The following PCDH7 variants were observed in gnomAD, a reference collection of about 807,000 sequenced individuals.
PCDH7 encodes protocadherin-7.
Under a neutral mutation model 58.9 loss-of-function variants are expected in PCDH7, and 17 were observed. The observed-to-expected ratio is 0.29, with a 90% CI of 0.20 to 0.43. The LOEUF (loss-of-function observed/expected upper bound fraction) is 0.43, where lower values mean the gene tolerates loss of function less well. Ranked by LOEUF, PCDH7 falls within the 20% of genes least tolerant of loss-of-function variation. The pLI, the probability that PCDH7 is intolerant of heterozygous loss-of-function variation, is 1.00. For synonymous variants in PCDH7, 664 were observed against 616.4 expected, an observed-to-expected ratio of 1.08 and a Z score of -1.14; for missense variants, 1,274 against 1,441.0, an observed-to-expected ratio of 0.88 and a Z score of 1.88.
At chr4:30,724,626 T>G in intron 1 of PCDH7, 30 bp downstream of exon 1, 1 of 1,605,060 alleles carries the variant, frequency 6.2e-7, no homozygotes. Flanking sequence ...TATTTAAATA[T>G]CCCAGGGAGG....
intron 3 of PCDH7, among the ~76,000 whole-genome samples, chr4:30,988,608 C>T (rs914941101): frequency 3.3e-5 from 5 of 152,084 alleles, no homozygotes; most frequent in South Asian, 2.1e-4. Flanking sequence ...TCATCAAGGC[C>T]GAGTTAGTTT....
intron 1 of PCDH7, among the ~76,000 whole-genome samples, chr4:30,759,682 A>T (rs1719774692): frequency 6.6e-6 from 1 of 152,180 alleles, no homozygotes; most frequent in South Asian, 2.1e-4. Context: ...AATGTATAAA[A>T]TACAGCATAT....
intron 3 of PCDH7, among the ~76,000 whole-genome samples, chr4:31,037,097 T>C (rs1390884006): frequency 6.6e-6 from 1 of 152,108 alleles, no homozygotes; most frequent in Non-Finnish European, 1.5e-5. Flanking sequence ...AGCCAAACCA[T>C]ATCAATACCT....
chr4:30,835,237 C>G (rs78736760), intron 1 of PCDH7, among the ~76,000 whole-genome samples: 1 of 152,056 alleles, frequency 6.6e-6, no homozygotes, highest in Non-Finnish European at 1.5e-5. Flanking sequence ...GGCCACGAAC[C>G]GGTCCAGGTT....
intron 3 of PCDH7, among the ~76,000 whole-genome samples, chr4:31,028,814 T>C (rs1754658848): frequency 6.6e-6 from 1 of 152,142 alleles, no homozygotes; most frequent in African/African-American, 2.4e-5. Context: ...AAGAAGCTCA[T>C]TCTAGAATAA....
At chr4:30,867,990 G>C (rs1428829737) in intron 1 of PCDH7, among the ~76,000 whole-genome samples, 1 of 151,932 alleles carries the variant, frequency 6.6e-6, no homozygotes, top group Non-Finnish European at 1.5e-5. Flanking sequence ...CCCTAAAAGA[G>C]GCTCAAATTT....
intron 1 of PCDH7, among the ~76,000 whole-genome samples, chr4:30,888,759 T>A (rs1578179693): frequency 6.6e-6 from 1 of 152,172 alleles, no homozygotes; most frequent in Admixed American, 6.6e-5. Context: ...GGAGAGTGGT[T>A]TGACAGACTT....
chr4:31,074,402 A>G (rs1450846658), intron 3 of PCDH7, among the ~76,000 whole-genome samples: 8 of 152,020 alleles, frequency 5.3e-5, no homozygotes, highest in African/African-American at 1.9e-4. Context: ...GATGTTAATG[A>G]CAGCGAGTAC....
At chr4:30,826,465 C>T (rs1057141642) in intron 1 of PCDH7, among the ~76,000 whole-genome samples, 1 of 151,950 alleles carries the variant, frequency 6.6e-6, no homozygotes, top group Non-Finnish European at 1.5e-5. Flanking sequence ...TCCAGCATAT[C>T]TAGTATATTA....
chr4:30,766,381 T>G lies in PCDH7; in HGVS notation c.70+41785T>G, dbSNP rs186735866. Among the ~76,000 whole-genome samples the G allele has an allele frequency of 1.3e-3, 205 of 152,248 alleles. 1 individual carries two copies. The highest frequency in any genetic ancestry group is 7.9e-3 in the East Asian group (41 of 5,176). On this transcript the variant is annotated intron_variant, in intron 1 of 3. Transcript: ENST00000509759. ...TCCATCTAAAAAAATTTTCTTTGAA[T>G]AAGACATACAACCAAAATTCAAATT...
chr4:30,869,149 G>T (rs1735235141), intron 1 of PCDH7: 1 of 151,956 alleles, frequency 6.6e-6, no homozygotes, highest in African/African-American at 2.4e-5. Context: ...TGCCACCCCA[G>T]AAAGATAAAT....
At chr4:31,045,231 T>A (rs1320648844) in intron 3 of PCDH7, among the ~76,000 whole-genome samples, 1 of 152,090 alleles carries the variant, frequency 6.6e-6, no homozygotes, top group Non-Finnish European at 1.5e-5. Flanking sequence ...AAGTGGAATC[T>A]CTGATGCTCT....
intron 3 of PCDH7, among the ~76,000 whole-genome samples, chr4:31,087,209 A>T (rs1010721990): frequency 6.6e-6 from 1 of 152,134 alleles, no homozygotes; most frequent in Admixed American, 6.6e-5. Context: ...CAGTACGTCA[A>T]CTGCTAGCTA....
rs775021549 is a variant in PCDH7, at chr4:30,722,781, C to T, written c.1359C>T (p.Gly453=). 1.2e-6 allele frequency: 2 copies of T among 1,613,628 alleles called. No homozygotes were observed. Among genetic ancestry groups the T allele is most frequent in the South Asian group, 1.1e-5 (1 of 91,084 alleles). The change falls in exon 1 of 2, where the codon GGC becomes GGT. Residue 453 remains glycine, a synonymous_variant. Transcript: ENST00000361762. This position sits in a 1 kb window ranked among gnomAD's most constrained non-coding sequence, Gnocchi z 7.6. ...TGCAGGTGTCCGACCGAGACCAAGG[C>T]GAGAACGGGGTGGTCACCTGCACCG...
At chr4:30,786,693 G>A (rs1723440589) in intron 1 of PCDH7, 17 of 908,654 alleles carry the variant, frequency 1.9e-5, no homozygotes, top group Non-Finnish European at 2.1e-5. Context: ...TCACATCCCT[G>A]TAAAGCAGAC....
intron 3 of PCDH7, among the ~76,000 whole-genome samples, chr4:30,969,104 G>T (rs1403638886): frequency 6.6e-6 from 1 of 152,186 alleles, no homozygotes; most frequent in African/African-American, 2.4e-5. Flanking sequence ...AGCCATTTCA[G>T]CTCCTGAGAC....
chr4:31,047,791 C>T (rs1043042060), intron 3 of PCDH7, among the ~76,000 whole-genome samples: 7 of 152,010 alleles, frequency 4.6e-5, no homozygotes, highest in African/African-American at 7.2e-5. Flanking sequence ...TCTTGTTGAT[C>T]ATTTTCTTCC....
chr4:30,920,990 C>G (rs1178849567), intron 2 of PCDH7, among the ~76,000 whole-genome samples: 1 of 151,974 alleles, frequency 6.6e-6, no homozygotes, highest in Non-Finnish European at 1.5e-5. Flanking sequence ...TCATAATACT[C>G]CATATTTTTA....
intron 2 of PCDH7, among the ~76,000 whole-genome samples, chr4:30,931,812 A>G (rs1043058429): frequency 1.6e-5 from 2 of 122,492 alleles, no homozygotes; most frequent in Non-Finnish European, 1.6e-5. Context: ...TTATGCTTCT[A>G]TTTTTCAGGA....
Sources: gnomAD v4.1 joint callset for allele counts (sites outside exome capture counted in the v4.1 genomes callset) on GRCh38, gnomAD v4.1.1 for gene constraint, Gnocchi (gnomAD v3.1) non-coding constraint, MANE v1.5 for transcripts, NCBI Gene and HGNC (gene_info 2026-07-23, HGNC 2026-07-21) for gene names.